Variants in KCNMB4 observed in about 807,000 individuals in gnomAD.
KCNMB4 encodes the protein potassium calcium-activated channel subfamily M regulatory beta subunit 4.
A neutral mutation model predicts 20.7 loss-of-function variants in KCNMB4; 3 were observed. That is an observed-to-expected ratio of 0.14 (90% CI 0.07 to 0.37). The LOEUF (loss-of-function observed/expected upper bound fraction) is 0.37, where lower values mean the gene tolerates loss of function less well. Among genes scored for constraint, KCNMB4 ranks in the 10% least tolerant of loss-of-function variants. The pLI is 1.00. For synonymous variants in KCNMB4, 110 were observed against 113.4 expected, an observed-to-expected ratio of 0.97 and a Z score of 0.19; for missense variants, 168 against 265.9, an observed-to-expected ratio of 0.63 and a Z score of 2.56.
chr12:70,378,623 G>A (rs1337044327), intron 1 of KCNMB4, among the ~76,000 whole-genome samples: 1 of 152,036 alleles, frequency 6.6e-6, no homozygotes. Flanking sequence ...TTCACCCTCT[G>A]CCTCCTGGGT....
At chr12:70,403,639 A>G (rs1306351896) in intron 2 of KCNMB4, among the ~76,000 whole-genome samples, 1 of 152,222 alleles carries the variant, frequency 6.6e-6, no homozygotes, top group African/African-American at 2.4e-5. Context: ...GGAACTTTAA[A>G]AAAAGAAAAT....
Position 70,368,378 on chromosome 12 carries a change from CA to C in KCNMB4, c.336+1318del, listed in dbSNP as rs59631016. On this transcript the variant is annotated intron_variant, in intron 1 of 2. Transcript: ENST00000258111. ...TTTTAAAAATATGAATGACTCCTCTCAAAAAAAAAATGCTCCTGTCGACAAA... is the reference window on the plus strand; with the variant it reads ...TTTTAAAAATATGAATGACTCCTCTCAAAAAAAAATGCTCCTGTCGACAAA... 1.4e-3 allele frequency among the ~76,000 whole-genome samples: 206 copies of C among 145,564 alleles called. 1 individual carries two copies. The highest frequency in any genetic ancestry group is 4.1e-3 in the African/African-American group (162 of 39,800).
intron 2 of KCNMB4, among the ~76,000 whole-genome samples, chr12:70,413,151 T>C (rs1713396369): frequency 6.6e-6 from 1 of 152,196 alleles, no homozygotes; most frequent in African/African-American, 2.4e-5. Context: ...GGAATATATA[T>C]GGAAGTTATT....
intron 2 of KCNMB4, among the ~76,000 whole-genome samples, chr12:70,423,199 C>T (rs1869116855): frequency 6.6e-6 from 1 of 152,098 alleles, no homozygotes; most frequent in African/African-American, 2.4e-5. Flanking sequence ...GATATCCTGC[C>T]AAAACTGAAT....
intron 2 of KCNMB4, among the ~76,000 whole-genome samples, chr12:70,428,888 G>A (rs1055056561): frequency 6.6e-6 from 1 of 152,136 alleles, no homozygotes; most frequent in African/African-American, 2.4e-5. Context: ...TGGGATGATT[G>A]TTGCCTAATT....
chr12:70,393,271 C>T (rs1293122141), intron 1 of KCNMB4, among the ~76,000 whole-genome samples: 3 of 152,050 alleles, frequency 2.0e-5, no homozygotes, highest in Admixed American at 6.6e-5. Context: ...GGCGCGATCT[C>T]GGCTCACTAC....
chr12:70,370,467 C>T (rs1272440033), intron 1 of KCNMB4, among the ~76,000 whole-genome samples: 1 of 151,858 alleles, frequency 6.6e-6, no homozygotes, highest in Non-Finnish European at 1.5e-5. Context: ...ACCACCACGC[C>T]TGGCTAATTT....
At chr12:70,374,447 T>A (rs540146152) in intron 1 of KCNMB4, among the ~76,000 whole-genome samples, 1 of 152,194 alleles carries the variant, frequency 6.6e-6, no homozygotes, top group African/African-American at 2.4e-5. Flanking sequence ...ACAGAATAGT[T>A]TTTAACATTG....
intron 1 of KCNMB4, among the ~76,000 whole-genome samples, chr12:70,379,395 A>G (rs189586641): frequency 2.8e-4 from 42 of 152,278 alleles, no homozygotes; most frequent in Middle Eastern, 3.4e-3. Context: ...TGCAGCTTCT[A>G]CATGAGCACT....
chr12:70,428,191 G>A (rs554623975), intron 2 of KCNMB4, among the ~76,000 whole-genome samples: 160 of 152,054 alleles, frequency 1.1e-3, no homozygotes, highest in Non-Finnish European at 1.7e-3. Flanking sequence ...ACAGGGTTTC[G>A]CTATGTTGCC....
chr12:70,415,556 C>T (rs898732671), intron 2 of KCNMB4, among the ~76,000 whole-genome samples: 1 of 152,168 alleles, frequency 6.6e-6, no homozygotes, highest in Non-Finnish European at 1.5e-5. Flanking sequence ...TTTTAAAGTG[C>T]GTTGTTGGTG....
At chr12:70,416,064 C>A (rs1474896269) in intron 2 of KCNMB4, among the ~76,000 whole-genome samples, 1 of 152,190 alleles carries the variant, frequency 6.6e-6, no homozygotes, top group Non-Finnish European at 1.5e-5. Flanking sequence ...TTATTTTTGA[C>A]CATCATGGCT....
intron 2 of KCNMB4, among the ~76,000 whole-genome samples, chr12:70,428,302 C>A (rs1228442847): frequency 6.6e-6 from 1 of 152,142 alleles, no homozygotes; most frequent in Non-Finnish European, 1.5e-5. Context: ...CCATCTTAAC[C>A]ATTTTAAAAT....
chr12:70,400,427 G>A lies in KCNMB4; in HGVS notation c.464+91G>A, dbSNP rs570728640. 5.6e-5 allele frequency: 73 copies of A among 1,293,052 alleles called. 1 individual carries two copies. In the African/African-American group the frequency reaches 8.8e-4, roughly 16 times the overall value. 80.1% of individuals were successfully genotyped at this position (1,293,052 alleles called of 1,614,324 possible). ...TATCGTAGATTATGCCCACTTGACAGCATGGAGATAGCCTCAACTCTTCTT... is the reference window on the plus strand; with the variant it reads ...TATCGTAGATTATGCCCACTTGACAACATGGAGATAGCCTCAACTCTTCTT... On this transcript the variant is annotated intron_variant, in intron 2 of 2. Coordinates refer to ENST00000258111, the MANE Select transcript of KCNMB4 (RefSeq NM_014505.6).
Position 70,366,341 on chromosome 12 carries a change from C to CAGCG in KCNMB4, c.-393_-390dup. The CAGCG allele has an allele frequency of 6.7e-6, 1 of 150,320 alleles. No homozygotes were observed. Among genetic ancestry groups the CAGCG allele is most frequent in the East Asian group, 2.0e-4 (1 of 5,002 alleles). The allele number at this position is 150,320 out of a possible 1,614,324, so 9.3% of individuals were successfully genotyped here. ...CCGGGCGAGTCAGCGGAGTAGCGGCCAGCGGGCGATGGAGACAGAGAGACA... is the reference window on the plus strand; with the variant it reads ...CCGGGCGAGTCAGCGGAGTAGCGGCCAGCGAGCGGGCGATGGAGACAGAGAGACA... On this transcript the variant is annotated 5_prime_UTR_variant, in exon 1 of 3. Coordinates refer to ENST00000258111, the MANE Select transcript of KCNMB4 (RefSeq NM_014505.6).
rs1266056561 is a variant in KCNMB4 at position 70,431,604 on chromosome 12, G to A, written c.*951G>A. On this transcript the variant is annotated 3_prime_UTR_variant, in exon 3 of 3. Transcript: ENST00000258111. ...CTTGATGTTATGAGTATTAAAACCAGGAGGATTGCTGCCATTGTGCAGTTT... is the reference window on the plus strand; with the variant it reads ...CTTGATGTTATGAGTATTAAAACCAAGAGGATTGCTGCCATTGTGCAGTTT... 6.6e-6 allele frequency: 1 copy of A among 151,006 alleles called. No individual in the cohort carries two copies. Among genetic ancestry groups the A allele is most frequent in the African/African-American group, 2.4e-5 (1 of 41,004 alleles). 9.4% of individuals were successfully genotyped at this position (151,006 alleles called of 1,614,324 possible).
intron 1 of KCNMB4, among the ~76,000 whole-genome samples, chr12:70,375,974 G>C (rs1211242112): frequency 1.3e-5 from 2 of 151,734 alleles, no homozygotes; most frequent in Admixed American, 1.3e-4. Flanking sequence ...TGTTTTTTTG[G>C]AAGAGTTTGT....
chr12:70,407,470 T>TTG (rs1358508099), intron 2 of KCNMB4, among the ~76,000 whole-genome samples: 2 of 129,346 alleles, frequency 1.5e-5, no homozygotes, highest in Admixed American at 7.6e-5. Flanking sequence ...CTTTTTTTTT[T>TTG]TTTTTTTTTT....
chr12:70,377,151 T>C (rs535841485), intron 1 of KCNMB4, among the ~76,000 whole-genome samples: 1 of 152,274 alleles, frequency 6.6e-6, no homozygotes, highest in South Asian at 2.1e-4. Flanking sequence ...TTTTTTTCTT[T>C]TTGCATAAAT....
Sources: gnomAD v4.1 joint callset for allele counts (sites outside exome capture counted in the v4.1 genomes callset) on GRCh38, gnomAD v4.1.1 for gene constraint, MANE v1.5 for transcripts, NCBI Gene and HGNC (gene_info 2026-07-23, HGNC 2026-07-21) for gene names.